JMJD7: variants seen among roughly 807,000 people sequenced by gnomAD.
JMJD7 encodes the protein bifunctional peptidase and (3S)-lysyl hydroxylase JMJD7.
JMJD7 carries 41 observed loss-of-function variants against 41.1 expected under a neutral mutation model. That is an observed-to-expected ratio of 1.00 (90% CI 0.78 to 1.30). JMJD7 has a LOEUF of 1.30. Among genes scored for constraint, JMJD7 ranks in the 50% most tolerant of loss-of-function variants. The probability of loss-of-function intolerance (pLI) is 0.00; values close to 1 mark genes in which losing one functional copy is unlikely to be tolerated. For synonymous variants in JMJD7, 202 were observed against 177.2 expected (o/e 1.14, Z -1.11); for missense variants, 480 against 420.7 (o/e 1.14, Z -1.23).
chr15:41,837,075 C>T lies in JMJD7; in HGVS notation c.870C>T (p.Phe290=). ...QQSQGCIAVN[F]WYDMEYDLKY... ...TCCCCGTTCTTCCCACAGTGAATTT[C>T]TGGTATGACATGGAATACGACCTCA... Residue 290 remains phenylalanine (F), a synonymous_variant, in exon 8 of 8, where the codon TTC becomes TTT. Coordinates refer to ENST00000397299, the MANE Select transcript of JMJD7 (RefSeq NM_001114632.2). The T allele has an allele frequency of 6.2e-7, 1 of 1,613,330 alleles. No homozygotes were observed. The highest frequency in any genetic ancestry group is 8.5e-7 in the Non-Finnish European group (1 of 1,179,382).
rs768201038 is a variant in JMJD7 at position 41,835,122 on chromosome 15, G to C, written c.371G>C (p.Gly124Ala). 1 of 1,611,402 alleles carries C rather than the reference G, an allele frequency of 6.2e-7. No individual in the cohort carries two copies. The highest frequency in any genetic ancestry group is 1.7e-5 in the Admixed American group (1 of 60,030). The change falls in exon 3 of 8, where the codon GGA becomes GCA. Residue 124 changes from glycine to alanine, a missense_variant. Physicochemically the swap from Gly to Ala is moderately conservative, Grantham distance 60. Coordinates refer to ENST00000397299, the MANE Select transcript of JMJD7 (RefSeq NM_001114632.2). ...DVLEGRAQHP[G>A]VLYVQKQCSN... is the part of the protein sequence containing the mutation. ...CTGGAGGGCCGGGCCCAGCACCCTG[G>C]AGTCCTCTATGTGCAGAAGCAGTGC...
Position 41,837,235 on chromosome 15 carries a change from A to G in JMJD7, c.*79A>G, listed in dbSNP as rs2065338086. ...CCCTGGCCAGGTCAATTCTCGAGAG[A>G]GCCTGGAGTGTGCATGCTGGCTGCT... On this transcript the variant is annotated 3_prime_UTR_variant, in exon 8 of 8. Coordinates refer to ENST00000397299, the MANE Select transcript of JMJD7 (RefSeq NM_001114632.2). The G allele has an allele frequency of 1.5e-5, 15 of 995,592 alleles. No individual in the cohort carries two copies. Among genetic ancestry groups the G allele is most frequent in the Non-Finnish European group, 2.0e-5 (13 of 650,494 alleles). The allele number at this position is 995,592 out of a possible 1,614,324, so 61.7% of individuals were successfully genotyped here.
At position 41,835,966 on chromosome 15, in the gene JMJD7, C is replaced by T; in HGVS notation, c.530-182C>T. The T allele has an allele frequency of 4.8e-6, 3 of 626,708 alleles. No individual in the cohort carries two copies. In the South Asian group the frequency reaches 7.4e-5, roughly 15 times the overall value. 38.8% of individuals were successfully genotyped at this position (626,708 alleles called of 1,614,324 possible). ...TCCAGGGCCTGGTGAGCATCAGGTC[C>T]CTGGTAGGCAGAGTTCCAGAATGCC... On this transcript the variant is annotated intron_variant, in intron 4 of 7. Coordinates refer to ENST00000397299, the MANE Select transcript of JMJD7 (RefSeq NM_001114632.2).
rs938528048 is a variant in JMJD7 at position 41,836,581 on chromosome 15, G to C, written c.702+30G>C. 3.3e-6 allele frequency: 5 copies of C among 1,532,786 alleles called. No homozygotes were observed. In the African/African-American group the frequency reaches 6.8e-5, roughly 21 times the overall value. The allele number at this position is 1,532,786 out of a possible 1,614,324, so 94.9% of individuals were successfully genotyped here. A position where few individuals can be genotyped will look rare whatever the true frequency, so the allele number is the denominator to read the frequency against. On this transcript the variant is annotated intron_variant, in intron 6 of 7. Coordinates refer to ENST00000397299, the MANE Select transcript of JMJD7 (RefSeq NM_001114632.2). The stretch of plus-strand genomic sequence containing the variant: ...CTGTCCTGTTCTTGGGCTCTAGGGA[G>C]GGAGAAGGGCAGAAGCCTGGCTCTG...
Position 41,837,375 on chromosome 15 carries a change from G to T in JMJD7, c.*219G>T. 1 of 578,424 alleles carries T rather than the reference G, an allele frequency of 1.7e-6. No homozygotes were observed. The highest frequency in any genetic ancestry group is 3.1e-6 in the Non-Finnish European group (1 of 324,660). 35.8% of individuals were successfully genotyped at this position (578,424 alleles called of 1,614,324 possible). ...GGGTTCTCAGGAAGTTGCCACACAG[G>T]TGAGCAGAGTGGGGATCAGGTGCAG... On this transcript the variant is annotated 3_prime_UTR_variant, in exon 8 of 8. Transcript: ENST00000397299.
At chr15:41,835,687 G>A in intron 4 of JMJD7, 43 bp downstream of exon 4, 1 of 1,594,792 alleles carries the variant, frequency 6.3e-7, no homozygotes, top group Non-Finnish European at 8.6e-7. Context: ...GAGCAGGTTG[G>A]GGCAGAGGGA....
rs2065342243 is a variant in JMJD7 at position 41,837,423 on chromosome 15, G to A, written c.*267G>A. The A allele has an allele frequency of 1.9e-6, 1 of 517,928 alleles. No homozygotes were observed. The highest frequency in any genetic ancestry group is 3.4e-6 in the Non-Finnish European group (1 of 291,812). 32.1% of individuals were successfully genotyped at this position (517,928 alleles called of 1,614,324 possible). On this transcript the variant is annotated 3_prime_UTR_variant, in exon 8 of 8. Coordinates refer to ENST00000397299, the MANE Select transcript of JMJD7 (RefSeq NM_001114632.2). ...CAGCGGCACCTCTCCCCAGCGCTGT[G>A]ATGTTGGGCGAGTCACTGCGTCTCG... is the stretch of plus-strand genomic sequence containing the variant.
intron 1 of JMJD7, among the ~76,000 whole-genome samples, chr15:41,830,915 C>A (rs2065220675): frequency 6.6e-6 from 1 of 152,200 alleles, no homozygotes; most frequent in Admixed American, 6.5e-5. Flanking sequence ...CTGCAGGCAC[C>A]CCCTTGGCAC....
In JMJD7 at chr15:41,834,960, A is replaced by G. The variant is rs925902618; in HGVS notation, c.219-10A>G. 4 of 1,613,886 alleles carry G rather than the reference A, an allele frequency of 2.5e-6. No individual in the cohort carries two copies. Among genetic ancestry groups the G allele is most frequent in the Admixed American group, 3.3e-5 (2 of 60,014 alleles). ...GCATCTGGGCATGGGCTGAGTGTCC[A>G]TTCCTCTAGAGCCACAGTGGGCTCC... On this transcript the variant is annotated splice_polypyrimidine_tract_variant and intron_variant, in intron 2 of 7. Coordinates refer to ENST00000397299, the MANE Select transcript of JMJD7 (RefSeq NM_001114632.2).
At chr15:41,830,244 G>A (rs1181571476) in intron 1 of JMJD7, among the ~76,000 whole-genome samples, 1 of 152,206 alleles carries the variant, frequency 6.6e-6, no homozygotes, top group Non-Finnish European at 1.5e-5. Context: ...ACTGGGACTT[G>A]TAGGGACTTG....
In JMJD7 at chr15:41,834,842, A is replaced by G; in HGVS notation, c.167A>G (p.Asn56Ser). 1 of 1,614,100 alleles carries G rather than the reference A, an allele frequency of 6.2e-7. No homozygotes were observed. Among genetic ancestry groups the G allele is most frequent in the African/African-American group, 1.3e-5 (1 of 75,006 alleles). Residue 56 changes from asparagine (N) to serine (S), a missense_variant, in exon 2 of 8, where the codon AAC becomes AGC. Transcript: ENST00000397299. Reference protein sequence around the residue: ...VCPNRPCIIRNALQHWPALQK... With the variant: ...VCPNRPCIIRSALQHWPALQK... The stretch of plus-strand genomic sequence containing the variant: ...CCCAACAGGCCGTGCATTATCCGCA[A>G]CGCTCTGCAGCACTGGCCGGCCCTC...
intron 1 of JMJD7, among the ~76,000 whole-genome samples, chr15:41,833,405 TA>T (rs2065258731): frequency 7.8e-5 from 4 of 51,212 alleles, no homozygotes; most frequent in African/African-American, 1.9e-4. Flanking sequence ...TATATATATA[TA>T]TATATATATT....
In JMJD7 at chr15:41,835,607, G is replaced by A; in HGVS notation, c.492G>A (p.Val164=). 1 of 1,613,896 alleles carries A rather than the reference G, an allele frequency of 6.2e-7. No homozygotes were observed. Among genetic ancestry groups the A allele is most frequent in the Non-Finnish European group, 8.5e-7 (1 of 1,179,898 alleles). ...SEALGKMPDA[V]NFWLGEAAAV... is the part of the protein sequence containing the mutation. Reference sequence around the variant, plus strand: ...CTGCAGGAAAGATGCCCGATGCTGTGAACTTCTGGCTGGGGGAGGCGGCTG... The same window carrying A: ...CTGCAGGAAAGATGCCCGATGCTGTAAACTTCTGGCTGGGGGAGGCGGCTG... The change falls in exon 4 of 8, where the codon GTG becomes GTA. Residue 164 remains valine (V), a synonymous_variant. Coordinates refer to ENST00000397299, the MANE Select transcript of JMJD7 (RefSeq NM_001114632.2).
chr15:41,829,850 C>G (rs2065203202), intron 1 of JMJD7, among the ~76,000 whole-genome samples: 1 of 152,320 alleles, frequency 6.6e-6, no homozygotes, highest in Non-Finnish European at 1.5e-5. Context: ...GGAGGCATCT[C>G]TTGAGGCCAG....
chr15:41,833,375 G>A (rs560851879), intron 1 of JMJD7, among the ~76,000 whole-genome samples: 1 of 122,454 alleles, frequency 8.2e-6, no homozygotes, highest in African/African-American at 2.9e-5. Context: ...ATGATAAACA[G>A]TTTATGTAGG....
chr15:41,836,625 T>C, intron 6 of JMJD7, 74 bp downstream of exon 6: 1 of 1,477,450 alleles, frequency 6.8e-7, no homozygotes, highest in Non-Finnish European at 9.0e-7. Context: ...GCACAAAAGA[T>C]CTGGGGAGGT....
intron 1 of JMJD7, among the ~76,000 whole-genome samples, chr15:41,830,749 C>T (rs990935531): frequency 3.9e-5 from 6 of 152,236 alleles, no homozygotes; most frequent in African/African-American, 9.6e-5. Context: ...CCACTGTCAG[C>T]ACCTGATCAG....
At chr15:41,832,919 C>G (rs1158147027) in intron 1 of JMJD7, among the ~76,000 whole-genome samples, 1 of 152,118 alleles carries the variant, frequency 6.6e-6, no homozygotes, top group Non-Finnish European at 1.5e-5. Flanking sequence ...TAGAAAGACA[C>G]TCCAGTCTGA....
chr15:41,835,948 C>G lies in JMJD7; in HGVS notation c.530-200C>G, dbSNP rs146326233. On this transcript the variant is annotated intron_variant, in intron 4 of 7. Transcript: ENST00000397299. ...CCTCTTGTTGAAGAGGAGTCCAGGG[C>G]CTGGTGAGCATCAGGTCCCTGGTAG... 520 of 600,430 alleles carry G rather than the reference C, an allele frequency of 8.7e-4. 5 individuals are homozygous for G. The African/African-American group carries it at 9.0e-3, about 10-fold the overall frequency. The allele number at this position is 600,430 out of a possible 1,614,324, so 37.2% of individuals were successfully genotyped here. A position where few individuals can be genotyped will look rare whatever the true frequency, so the allele number is the denominator to read the frequency against.
Sources: gnomAD v4.1 joint callset for allele counts (sites outside exome capture counted in the v4.1 genomes callset) on GRCh38, gnomAD v4.1.1 for gene constraint, MANE v1.5 for transcripts, NCBI Gene and HGNC (gene_info 2026-07-23, HGNC 2026-07-21) for gene names.